ROS1: variants seen among roughly 807,000 people sequenced by gnomAD.
ROS1 encodes the protein ROS proto-oncogene 1, receptor tyrosine kinase.
In ROS1, 263 loss-of-function variants were observed where a neutral mutation model predicts 273.5. The observed-to-expected ratio is 0.96, with a 90% CI of 0.87 to 1.06. The LOEUF (loss-of-function observed/expected upper bound fraction) is 1.06, where lower values mean the gene tolerates loss of function less well. ROS1 is among the 50% of genes least tolerant of loss of function. The probability of loss-of-function intolerance (pLI) is 0.00; values close to 1 mark genes in which losing one functional copy is unlikely to be tolerated. For synonymous variants in ROS1, 1,008 were observed against 954.1 expected (o/e 1.06, Z -1.04); for missense variants, 2,833 against 2,751.1 (o/e 1.03, Z -0.67).
chr6:117,420,769 G>GATTC (rs1056709437), intron 1 of ROS1, among the ~76,000 whole-genome samples: 50 of 152,106 alleles, frequency 3.3e-4, no homozygotes, highest in African/African-American at 1.1e-3. Flanking sequence ...CTTCTGTGAA[G>GATTC]ATTCAATTAA....
intron 4 of ROS1, among the ~76,000 whole-genome samples, chr6:117,412,617 T>C (rs561534682): frequency 6.6e-6 from 1 of 151,870 alleles, no homozygotes; most frequent in Admixed American, 6.6e-5. Flanking sequence ...GATAGATAGA[T>C]AGATAGATAG....
intron 43 of ROS1, among the ~76,000 whole-genome samples, chr6:117,289,115 G>T (rs576397511): frequency 1.2e-4 from 18 of 152,344 alleles, no homozygotes; most frequent in African/African-American, 4.3e-4. Context: ...GATTAACTCT[G>T]CCTTAACAAG....
At chr6:117,299,924 C>CTT (rs11297663) in intron 43 of ROS1, among the ~76,000 whole-genome samples, 1 of 118,676 alleles carries the variant, frequency 8.4e-6, no homozygotes, top group Admixed American at 8.4e-5. Context: ...ATATTATTAT[C>CTT]TTTTTTTTTT....
chr6:117,291,653 T>C lies in ROS1; in HGVS notation c.6716-2851A>G, dbSNP rs1021597599. 2.6e-5 allele frequency among the ~76,000 whole-genome samples: 4 copies of C among 152,332 alleles called. No homozygotes were observed. In the South Asian group the frequency reaches 8.3e-4, roughly 32 times the overall value. On this transcript the variant is annotated intron_variant, in intron 43 of 43. Coordinates refer to ENST00000368507, the MANE Select transcript of ROS1 (RefSeq NM_001378902.1). ...CATCTGTAAAATGGTGATATAGTAA[T>C]ATCCGCTTCATAAGGCTGTTATAAA...
chr6:117,292,158 G>A (rs932226559), intron 43 of ROS1, among the ~76,000 whole-genome samples: 6 of 151,936 alleles, frequency 3.9e-5, no homozygotes, highest in African/African-American at 1.5e-4. Context: ...TTTTAGTAGA[G>A]ACGCGGTTTC....
At position 117,362,857 on chromosome 6, in the gene ROS1, C is replaced by T. The variant is rs747095069; in HGVS notation, c.3112G>A (p.Ala1038Thr). The change falls in exon 22 of 44, where the codon GCA (alanine) becomes ACA (threonine). Residue 1038 changes from alanine (A) to threonine (T), a missense_variant. Physicochemically the swap from Ala to Thr is moderately conservative, Grantham distance 58 (BLOSUM62 0). Transcript: ENST00000368507. Reference protein sequence around the residue: ...SLRAPETVPSAPENPRIFILP... With the variant: ...SLRAPETVPSTPENPRIFILP... ...ATAAATATTCTGGGGTTCTCTGGTG[C>T]TGATGGAACTGAAAAGTAGAGGCAC... 3 of 1,609,010 alleles carry T rather than the reference C, an allele frequency of 1.9e-6. No individual in the cohort carries two copies. The highest frequency in any genetic ancestry group is 2.5e-6 in the Non-Finnish European group (3 of 1,177,704).
chr6:117,339,489 G>A (rs1267122409), intron 31 of ROS1, among the ~76,000 whole-genome samples: 1 of 152,134 alleles, frequency 6.6e-6, no homozygotes, highest in Non-Finnish European at 1.5e-5. Context: ...CAGAGTTTCA[G>A]TATGCAGTTA....
chr6:117,377,585 G>A (rs1197348606), intron 18 of ROS1, among the ~76,000 whole-genome samples: 1 of 151,952 alleles, frequency 6.6e-6, no homozygotes, highest in African/African-American at 2.4e-5. Flanking sequence ...ATCTAATCAT[G>A]AAAGCTAAAA....
At position 117,396,093 on chromosome 6, in the gene ROS1, C is replaced by T. The variant is rs1582840766; in HGVS notation, c.883+95G>A. 12 of 788,322 alleles carry T rather than the reference C, an allele frequency of 1.5e-5. No individual in the cohort carries two copies. The East Asian group carries it at 3.0e-4, about 19-fold the overall frequency. The allele number at this position is 788,322 out of a possible 1,614,324, so 48.8% of individuals were successfully genotyped here. A position where few individuals can be genotyped will look rare whatever the true frequency, so the allele number is the denominator to read the frequency against. On this transcript the variant is annotated intron_variant, in intron 9 of 43. Transcript: ENST00000368507. Reference sequence around the variant, plus strand: ...AATCATTTGGGCAGAAGAGGTGGGTCTTGAGGTCTACCAGGTGACCCAGGG... The same window carrying T: ...AATCATTTGGGCAGAAGAGGTGGGTTTTGAGGTCTACCAGGTGACCCAGGG...
intron 22 of ROS1, among the ~76,000 whole-genome samples, chr6:117,361,614 A>T (rs1779810993): frequency 6.7e-6 from 1 of 149,882 alleles, no homozygotes; most frequent in East Asian, 1.9e-4. Flanking sequence ...TAACCCGAAT[A>T]TTATTTTACC....
At chr6:117,352,088 T>C (rs1353956174) in intron 27 of ROS1, among the ~76,000 whole-genome samples, 1 of 152,218 alleles carries the variant, frequency 6.6e-6, no homozygotes, top group East Asian at 1.9e-4. Flanking sequence ...ATTCTGTTTT[T>C]GTTTTTGTTT....
chr6:117,379,111 C>T lies in ROS1; in HGVS notation c.2530G>A (p.Val844Ile), dbSNP rs1353443254. Residue 844 changes from valine (V) to isoleucine (I), a missense_variant, in exon 18 of 44, where the codon GTT (valine) becomes ATT (isoleucine). Val to Ile is a conservative substitution (Grantham distance 29). Transcript: ENST00000368507. The part of the protein sequence containing the change: ...DLSDGLLYWL[V>I]QDSQCIHLYT... ...AGGTGAATACATTGACTGTCTTGAACCAACCAATACAGGAGCCCATCACTG... is the reference window on the plus strand; with the variant it reads ...AGGTGAATACATTGACTGTCTTGAATCAACCAATACAGGAGCCCATCACTG... 6.2e-7 allele frequency: 1 copy of T among 1,613,380 alleles called. No homozygotes were observed.
intron 14 of ROS1, 77 bp downstream of exon 14, chr6:117,387,703 G>A (rs902444701): frequency 1.5e-4 from 222 of 1,479,502 alleles, no homozygotes; most frequent in Non-Finnish European, 2.0e-4. Context: ...TTAAACCCAA[G>A]GCAAGGAAAT....
chr6:117,412,715 A>G (rs954732176), intron 4 of ROS1, among the ~76,000 whole-genome samples: 1 of 152,236 alleles, frequency 6.6e-6, no homozygotes, highest in Non-Finnish European at 1.5e-5. Context: ...AAGTATAAAG[A>G]GAAAGAATAG....
In ROS1 at chr6:117,359,878, A is replaced by G. The variant is rs144455439; in HGVS notation, c.3564T>C (p.Asn1188=). ...VISAVCYTAD[N]EMGYYAEGDS... ...CCCCTTCAGCATAATATCCCATCTCATTATCAGCTGTGTAGCAAACGGCAC... is the reference window on the plus strand; with the variant it reads ...CCCCTTCAGCATAATATCCCATCTCGTTATCAGCTGTGTAGCAAACGGCAC... Residue 1188 remains asparagine (N), a synonymous_variant, in exon 24 of 44, where the codon AAT becomes AAC. Coordinates refer to ENST00000368507, the MANE Select transcript of ROS1 (RefSeq NM_001378902.1). 13 of 1,607,336 alleles carry G rather than the reference A, an allele frequency of 8.1e-6. No homozygotes were observed. The African/African-American group carries it at 1.6e-4, about 20-fold the overall frequency.
At chr6:117,360,762 ATGT>A (rs1582735547) in intron 22 of ROS1, among the ~76,000 whole-genome samples, 1 of 152,260 alleles carries the variant, frequency 6.6e-6, no homozygotes, top group East Asian at 1.9e-4. Flanking sequence ...TTATTAAGTC[ATGT>A]TGTACAGCTT....
chr6:117,323,978 T>C (rs1776460495), intron 35 of ROS1, among the ~76,000 whole-genome samples: 1 of 152,164 alleles, frequency 6.6e-6, no homozygotes, highest in Non-Finnish European at 1.5e-5. Flanking sequence ...GTACCCAGGG[T>C]TATTTTTCTT....
At chr6:117,380,251 G>A (rs1207147673) in intron 17 of ROS1, among the ~76,000 whole-genome samples, 1 of 152,120 alleles carries the variant, frequency 6.6e-6, no homozygotes, top group Non-Finnish European at 1.5e-5. Context: ...GCCAGTGAAA[G>A]ATGTGAAAAG....
chr6:117,305,476 A>G (rs540159023), intron 42 of ROS1, among the ~76,000 whole-genome samples: 6 of 152,248 alleles, frequency 3.9e-5, no homozygotes, highest in Admixed American at 3.9e-4. Context: ...TTTTTCAATT[A>G]TGGAGGCTTA....
Sources: allele counts gnomAD v4.1 joint callset (sites outside exome capture counted in the v4.1 genomes callset), GRCh38; gene constraint gnomAD v4.1.1; transcripts MANE v1.5; gene names NCBI Gene and HGNC (gene_info 2026-07-23, HGNC 2026-07-21).